The following SLCO1A2 variants were observed in gnomAD, a reference collection of about 807,000 sequenced individuals.
SLCO1A2 encodes OATP-1.
A neutral mutation model predicts 69.0 loss-of-function variants in SLCO1A2; 67 were observed. That is an observed-to-expected ratio of 0.97 (90% CI 0.80 to 1.19). The LOEUF is 1.19. Ranked by LOEUF, SLCO1A2 falls within the 50% of genes most tolerant of loss-of-function variation. SLCO1A2 has a pLI of 0.00. For synonymous variants in SLCO1A2, 260 were observed against 265.9 expected (o/e 0.98, Z 0.22); for missense variants, 787 against 793.7 (o/e 0.99, Z 0.10).
At chr12:21,274,865 C>T in intron 13 of SLCO1A2, 2 of 993,338 alleles carry the variant, frequency 2.0e-6, no homozygotes, top group Non-Finnish European at 2.5e-6. Context: ...ATGTTTTGGG[C>T]CAGTTATATG....
intron 4 of SLCO1A2, among the ~76,000 whole-genome samples, chr12:21,308,451 C>T (rs899269872): frequency 6.6e-6 from 1 of 152,090 alleles, no homozygotes; most frequent in East Asian, 1.9e-4. Flanking sequence ...TGAGTATGAT[C>T]CAAAACAATA....
intron 2 of SLCO1A2, among the ~76,000 whole-genome samples, chr12:21,364,036 C>A (rs539212904): frequency 0.026 from 3,977 of 152,112 alleles, 79 homozygotes; most frequent in Non-Finnish European, 0.04. Context: ...AATCCTCCCT[C>A]AGTCATTTTA....
chr12:21,340,772 C>T (rs1953042384), intron 2 of SLCO1A2, among the ~76,000 whole-genome samples: 2 of 151,760 alleles, frequency 1.3e-5, no homozygotes, highest in East Asian at 1.9e-4. Context: ...AAATGATTTA[C>T]AATTAAGATG....
chr12:21,307,012 GTTTAT>G (rs1949500524), intron 4 of SLCO1A2, 24 bp from the exon 5 acceptor site: 1 of 1,524,206 alleles, frequency 6.6e-7, no homozygotes. Context: ...GGGAAAATGA[GTTTAT>G]TTTAAGAAAG....
intron 8 of SLCO1A2, among the ~76,000 whole-genome samples, chr12:21,299,817 C>G (rs898506259): frequency 1.2e-4 from 14 of 115,108 alleles, no homozygotes; most frequent in Non-Finnish European, 9.7e-5. Flanking sequence ...TATACACACA[C>G]ACATATACAC....
At chr12:21,362,127 G>A (rs1429030496) in intron 2 of SLCO1A2, among the ~76,000 whole-genome samples, 1 of 152,150 alleles carries the variant, frequency 6.6e-6, no homozygotes, top group African/African-American at 2.4e-5. Context: ...AGGAAAAAAT[G>A]TTAAGGGCAG....
At position 21,265,964 on chromosome 12, in the gene SLCO1A2, C is replaced by A. The variant is rs1942027092; in HGVS notation, c.*3584G>T. On this transcript the variant is annotated 3_prime_UTR_variant, in exon 15 of 15. Coordinates refer to ENST00000683939, the MANE Select transcript of SLCO1A2 (RefSeq NM_001386879.1). ...GCTGTCTCTGATAATCACCTTGGTT[C>A]AAGGAGCATGAGTGATTTTTAGATG... is the stretch of plus-strand genomic sequence containing the variant. The A allele has an allele frequency of 6.6e-6, 1 of 152,090 alleles. No homozygotes were observed. Among genetic ancestry groups the A allele is most frequent in the South Asian group, 2.1e-4 (1 of 4,830 alleles). The allele number at this position is 152,090 out of a possible 1,614,324, so 9.4% of individuals were successfully genotyped here.
At position 21,292,144 on chromosome 12, in the gene SLCO1A2, TAAAG is replaced by T. The variant is rs544764563; in HGVS notation, c.1610+16_1610+19del. On this transcript the variant is annotated intron_variant, in intron 12 of 14. Transcript: ENST00000683939. Reference sequence around the variant, plus strand: ...ATAAATGACCCCAAAAAAATATAAATAAAGAAAATAATTTTGTACCTCAAGAGAA... The same window carrying T: ...ATAAATGACCCCAAAAAAATATAAATAAAATAATTTTGTACCTCAAGAGAA... The T allele has an allele frequency of 5.7e-5, 86 of 1,503,480 alleles. 1 individual carries two copies. In the African/African-American group the frequency reaches 9.2e-4, roughly 16 times the overall value. The allele number at this position is 1,503,480 out of a possible 1,614,324, so 93.1% of individuals were successfully genotyped here.
intron 1 of SLCO1A2, chr12:21,376,278 T>G (rs12305367): frequency 5.6e-5 from 17 of 304,768 alleles, no homozygotes; most frequent in Admixed American, 7.6e-5. Flanking sequence ...TACCTTTGAA[T>G]CTTCTCAATT....
upstream of SLCO1A2, among the ~76,000 whole-genome samples, chr12:21,418,665 C>T (rs759045911): frequency 1.3e-5 from 2 of 152,040 alleles, no homozygotes; most frequent in Non-Finnish European, 2.9e-5. Context: ...CCCCGTGATT[C>T]AATTATCTCC....
At chr12:21,289,199 T>C (rs1381284605) in intron 12 of SLCO1A2, among the ~76,000 whole-genome samples, 1 of 151,068 alleles carries the variant, frequency 6.6e-6, no homozygotes. Context: ...TGTGTGTGTG[T>C]GTGTGTGTGT....
At chr12:21,370,953 C>A (rs1322069613) in intron 2 of SLCO1A2, among the ~76,000 whole-genome samples, 2 of 152,198 alleles carry the variant, frequency 1.3e-5, no homozygotes, top group African/African-American at 4.8e-5. Flanking sequence ...TAGAAGAAAA[C>A]AGCTTTATTG....
chr12:21,283,025 A>G (rs1477799239), intron 12 of SLCO1A2, among the ~76,000 whole-genome samples: 1 of 152,188 alleles, frequency 6.6e-6, no homozygotes, highest in East Asian at 1.9e-4. Flanking sequence ...ATTTGATGCT[A>G]TTTCTATCAA....
Position 21,300,262 on chromosome 12 carries a change from G to A in SLCO1A2, c.910+86C>T, listed in dbSNP as rs1948535800. ...TGACAAATTGTCTCAACACAGCATA[G>A]CATATCATAGTGTTAGACTAAAATA... On this transcript the variant is annotated intron_variant, in intron 8 of 14. Transcript: ENST00000683939. The A allele has an allele frequency of 1.1e-5, 10 of 943,656 alleles. 1 individual carries two copies. In the South Asian group the frequency reaches 1.6e-4, roughly 15 times the overall value. 58.5% of individuals were successfully genotyped at this position (943,656 alleles called of 1,614,324 possible). A position where few individuals can be genotyped will look rare whatever the true frequency, so the allele number is the denominator to read the frequency against.
intron 2 of SLCO1A2, among the ~76,000 whole-genome samples, chr12:21,342,262 A>T (rs1049364919): frequency 1.3e-5 from 2 of 151,948 alleles, no homozygotes; most frequent in Admixed American, 6.6e-5. Flanking sequence ...CTACTACCTC[A>T]TGTTATTTTT....
At chr12:21,315,426 A>G (rs907270654) in intron 3 of SLCO1A2, among the ~76,000 whole-genome samples, 3 of 152,212 alleles carry the variant, frequency 2.0e-5, no homozygotes, top group African/African-American at 7.2e-5. Context: ...AAAGATTTGA[A>G]AAAAACAAAT....
intron 12 of SLCO1A2, among the ~76,000 whole-genome samples, chr12:21,279,302 A>T (rs1944397494): frequency 6.6e-6 from 1 of 152,210 alleles, no homozygotes; most frequent in Admixed American, 6.5e-5. Flanking sequence ...ATTCAAAGGG[A>T]TAATAGCAGA....
chr12:21,338,347 T>G (rs1001954498), upstream of SLCO1A2, among the ~76,000 whole-genome samples: 2 of 151,916 alleles, frequency 1.3e-5, no homozygotes, highest in African/African-American at 4.8e-5. Flanking sequence ...ATCATCTTGA[T>G]AGTTGATCAA....
chr12:21,298,024 C>T (rs1013728498), intron 8 of SLCO1A2, among the ~76,000 whole-genome samples: 2 of 152,170 alleles, frequency 1.3e-5, no homozygotes, highest in Non-Finnish European at 2.9e-5. Context: ...TATTTTATCA[C>T]TCCCTGAACA....
Sources: allele counts gnomAD v4.1 joint callset (sites outside exome capture counted in the v4.1 genomes callset), GRCh38; gene constraint gnomAD v4.1.1; transcripts MANE v1.5; gene names NCBI Gene and HGNC (gene_info 2026-07-23, HGNC 2026-07-21).